ACSBG1: variants seen among roughly 807,000 people sequenced by gnomAD.
ACSBG1 encodes acyl-CoA synthetase bubblegum family member 1, also known as long-chain-fatty-acid--CoA ligase ACSBG1.
ACSBG1 carries 39 observed loss-of-function variants against 80.2 expected under a neutral mutation model. The ratio of observed to expected loss-of-function variants is 0.49; its 90% CI spans 0.38 to 0.64. The LOEUF (loss-of-function observed/expected upper bound fraction) is 0.64, where lower values mean the gene tolerates loss of function less well. Ranked by LOEUF, ACSBG1 falls within the 30% of genes least tolerant of loss-of-function variation. ACSBG1 has a pLI of 0.00. For missense variants in ACSBG1, 828 were observed against 966.4 expected (o/e 0.86, Z 1.90); for synonymous variants, 392 against 379.5 (o/e 1.03, Z -0.38).
Position 78,174,709 on chromosome 15 carries a change from AC to A in ACSBG1, c.1703-186del, listed in dbSNP as rs2074865879. 5.4e-5 allele frequency: 34 copies of A among 632,460 alleles called. No homozygotes were observed. In the South Asian group the frequency reaches 6.5e-4, roughly 12 times the overall value. 39.2% of individuals were successfully genotyped at this position (632,460 alleles called of 1,614,324 possible). On this transcript the variant is annotated intron_variant, in intron 11 of 13. Coordinates refer to ENST00000258873, the MANE Select transcript of ACSBG1 (RefSeq NM_015162.5). ...CACCTGCTTGGGGGCTGGTGGCAGC[AC>A]CCCGACGACAAATGCTCACCCAAGT...
At chr15:78,207,923 A>ACCCCCCCCCCCCCCAC in intron 2 of ACSBG1, 79 bp downstream of exon 2, 1 of 284,792 alleles carries the variant, frequency 3.5e-6, no homozygotes, top group Non-Finnish European at 7.2e-6. Context: ...GTGGTCCCCC[A>ACCCCCCCCCCCCCCAC]CACCACCCAC....
chr15:78,204,750 C>G (rs916593077), intron 2 of ACSBG1, among the ~76,000 whole-genome samples: 1 of 152,240 alleles, frequency 6.6e-6, no homozygotes, highest in Non-Finnish European at 1.5e-5. Flanking sequence ...CAACGGCCTC[C>G]TCCTGCTACC....
chr15:78,185,465 T>C (rs1282352138), intron 5 of ACSBG1, among the ~76,000 whole-genome samples: 3 of 151,882 alleles, frequency 2.0e-5, no homozygotes, highest in Non-Finnish European at 2.9e-5. Flanking sequence ...TAAAAAGCCT[T>C]AAACATAGCC....
At chr15:78,233,037 G>T (rs942255228) in intron 1 of ACSBG1, among the ~76,000 whole-genome samples, 1 of 152,200 alleles carries the variant, frequency 6.6e-6, no homozygotes, top group Non-Finnish European at 1.5e-5. Flanking sequence ...CCTGCTCTCT[G>T]AGCCCACAGA....
intron 2 of ACSBG1, among the ~76,000 whole-genome samples, chr15:78,200,193 G>C (rs969894313): frequency 1.3e-5 from 2 of 152,134 alleles, no homozygotes; most frequent in African/African-American, 4.8e-5. Context: ...TATCCTTCCT[G>C]GAAGGAGGGA....
chr15:78,187,268 C>T (rs1330481582), intron 5 of ACSBG1, among the ~76,000 whole-genome samples: 1 of 152,240 alleles, frequency 6.6e-6, no homozygotes, highest in African/African-American at 2.4e-5. Flanking sequence ...GATACCATTC[C>T]TTCTGAAACT....
At chr15:78,225,778 A>T (rs1370930665) in intron 1 of ACSBG1, among the ~76,000 whole-genome samples, 1 of 152,220 alleles carries the variant, frequency 6.6e-6, no homozygotes, top group Non-Finnish European at 1.5e-5. Flanking sequence ...AGTGGCTTAA[A>T]AAAAACAAAC....
rs1209780976 is a variant in ACSBG1 at position 78,225,304 on chromosome 15, G to A, written c.131+9067C>T. ...TAATTTCAGCTGCTTGGGAGGTTGA[G>A]GCAGGAGAATTGCTTGAACCTGGGA... On this transcript the variant is annotated intron_variant, in intron 1 of 13. Coordinates refer to ENST00000258873, the MANE Select transcript of ACSBG1 (RefSeq NM_015162.5). Among the ~76,000 whole-genome samples, 3 of 151,954 alleles carry A rather than the reference G, an allele frequency of 2.0e-5. No homozygotes were observed. In the East Asian group the frequency reaches 5.8e-4, roughly 29 times the overall value.
intron 1 of ACSBG1, among the ~76,000 whole-genome samples, chr15:78,222,852 T>C (rs2075370007): frequency 6.6e-6 from 1 of 152,160 alleles, no homozygotes; most frequent in African/African-American, 2.4e-5. Flanking sequence ...CAAGAATTCT[T>C]TTCCAGTAAA....
At chr15:78,173,532 G>A (rs1456616337) in intron 13 of ACSBG1, 61 bp downstream of exon 13, 1 of 1,583,152 alleles carries the variant, frequency 6.3e-7, no homozygotes, top group Non-Finnish European at 8.6e-7. Flanking sequence ...CACCTCCTAG[G>A]CACTGCCATG....
chr15:78,193,703 G>GC, intron 4 of ACSBG1, 77 bp from the exon 5 acceptor site: 1 of 1,504,520 alleles, frequency 6.6e-7, no homozygotes, highest in Non-Finnish European at 8.9e-7. Context: ...CACATCTGTA[G>GC]CCCCCAGACC....
intron 5 of ACSBG1, among the ~76,000 whole-genome samples, chr15:78,192,425 G>C (rs891375585): frequency 6.6e-6 from 1 of 152,158 alleles, no homozygotes; most frequent in Non-Finnish European, 1.5e-5. Flanking sequence ...AGGCAGCTCT[G>C]AGGTCTTCCC....
At chr15:78,174,577 C>T in intron 11 of ACSBG1, 53 bp from the exon 12 acceptor site, 1 of 1,573,414 alleles carries the variant, frequency 6.4e-7, no homozygotes, top group Non-Finnish European at 8.6e-7. Flanking sequence ...GGTGCCCCAG[C>T]TGAACCACAA....
intron 1 of ACSBG1, among the ~76,000 whole-genome samples, chr15:78,223,603 C>T (rs2075376731): frequency 6.6e-6 from 1 of 152,176 alleles, no homozygotes; most frequent in Non-Finnish European, 1.5e-5. Context: ...TATGGAGAGG[C>T]CCACTGGTAA....
chr15:78,181,489 C>CT (rs71145901), intron 8 of ACSBG1, among the ~76,000 whole-genome samples: 1,550 of 82,978 alleles, frequency 0.019, 28 homozygotes, highest in Non-Finnish European at 0.023. Flanking sequence ...CATCAGGTTT[C>CT]TTTTTTTTTT....
intron 2 of ACSBG1, 137 bp downstream of exon 2, chr15:78,207,865 C>T (rs796635951): frequency 1.0e-5 from 7 of 691,684 alleles, no homozygotes; most frequent in African/African-American, 3.5e-5. Flanking sequence ...TCCCTGGGAG[C>T]GTGGAACCAG....
intron 1 of ACSBG1, among the ~76,000 whole-genome samples, chr15:78,210,348 C>T (rs2075256692): frequency 6.6e-6 from 1 of 152,214 alleles, no homozygotes; most frequent in Non-Finnish European, 1.5e-5. Flanking sequence ...CCTAATTCTC[C>T]AAATGAATTA....
chr15:78,232,173 G>A (rs1433166762), intron 1 of ACSBG1, among the ~76,000 whole-genome samples: 1 of 152,194 alleles, frequency 6.6e-6, no homozygotes, highest in African/African-American at 2.4e-5. Context: ...ATTAGCTGAT[G>A]GAATCCACCC....
rs189217680 is a variant in ACSBG1 at position 78,217,846 on chromosome 15, G to A, written c.132-9744C>T. Among the ~76,000 whole-genome samples the A allele has an allele frequency of 2.2e-3, 331 of 152,168 alleles. 1 individual carries two copies. The highest frequency in any genetic ancestry group is 3.7e-3 in the South Asian group (18 of 4,820). On this transcript the variant is annotated intron_variant, in intron 1 of 13. Coordinates refer to ENST00000258873, the MANE Select transcript of ACSBG1 (RefSeq NM_015162.5). Reference sequence around the variant, plus strand: ...TCCCAAAAGTGCTGGGATTACAGGCGTGAGCCACCGCACCCGGCCTGGAAA... The same window carrying A: ...TCCCAAAAGTGCTGGGATTACAGGCATGAGCCACCGCACCCGGCCTGGAAA...
Sources: gnomAD v4.1 joint callset for allele counts (sites outside exome capture counted in the v4.1 genomes callset) on GRCh38, gnomAD v4.1.1 for gene constraint, MANE v1.5 for transcripts, NCBI Gene and HGNC (gene_info 2026-07-23, HGNC 2026-07-21) for gene names.